GALNT13: variants seen among roughly 807,000 people sequenced by gnomAD.
The protein encoded by GALNT13 is UDP-GalNAc:polypeptide N-acetylgalactosaminyltransferase 13.
GALNT13 carries 28 observed loss-of-function variants against 64.2 expected under a neutral mutation model. The ratio of observed to expected loss-of-function variants is 0.44; its 90% confidence interval spans 0.32 to 0.60. The LOEUF (loss-of-function observed/expected upper bound fraction) is 0.60, where lower values mean the gene tolerates loss of function less well. Ranked by LOEUF, GALNT13 falls within the 20% of genes least tolerant of loss-of-function variation. GALNT13 has a pLI of 0.05. For synonymous variants in GALNT13, 214 were observed against 224.6 expected (o/e 0.95, Z 0.42); for missense variants, 577 against 669.8 (o/e 0.86, Z 1.53).
intron 4 of GALNT13, among the ~76,000 whole-genome samples, chr2:154,173,807 G>T (rs776510908): frequency 4.6e-5 from 7 of 152,080 alleles, no homozygotes; most frequent in Non-Finnish European, 8.8e-5. Context: ...AATCATCAGA[G>T]AAATGTGAAG....
chr2:153,407,745 A>G, the GALNT13 span, among the ~76,000 whole-genome samples: 1 of 152,170 alleles, frequency 6.6e-6, no homozygotes, highest in African/African-American at 2.4e-5. Flanking sequence ...TGTCAACTTT[A>G]ATTTTAATGT....
chr2:153,379,768 TAC>T, the GALNT13 span, among the ~76,000 whole-genome samples: 1 of 152,172 alleles, frequency 6.6e-6, no homozygotes, highest in Non-Finnish European at 1.5e-5. Flanking sequence ...ATCTTTTACA[TAC>T]ACTCATTCAG....
chr2:153,308,443 G>A, the GALNT13 span, among the ~76,000 whole-genome samples: 1 of 152,124 alleles, frequency 6.6e-6, no homozygotes, highest in Non-Finnish European at 1.5e-5. Context: ...TGTATCGACA[G>A]AACCACCTTC....
the GALNT13 span, among the ~76,000 whole-genome samples, chr2:153,285,630 G>A: frequency 1.3e-5 from 2 of 152,038 alleles, no homozygotes; most frequent in African/African-American, 2.4e-5. Flanking sequence ...AGTAAGTGAT[G>A]GTTATACTAT....
chr2:153,351,614 C>G, the GALNT13 span, among the ~76,000 whole-genome samples: 1 of 152,136 alleles, frequency 6.6e-6, no homozygotes, highest in African/African-American at 2.4e-5. Flanking sequence ...TGTGTTCTGC[C>G]TATTTATCTT....
At chr2:154,308,757 A>G (rs1391606072) in intron 9 of GALNT13, among the ~76,000 whole-genome samples, 2 of 152,166 alleles carry the variant, frequency 1.3e-5, no homozygotes, top group Non-Finnish European at 2.9e-5. Flanking sequence ...AGAAAATTCT[A>G]AATTATTTTA....
chr2:154,007,825 T>A (rs1301662456), intron 3 of GALNT13, among the ~76,000 whole-genome samples: 2 of 152,004 alleles, frequency 1.3e-5, no homozygotes, highest in Middle Eastern at 3.4e-3. Context: ...ATACAACACA[T>A]CAGGGACAAA....
chr2:153,308,123 C>T, the GALNT13 span, among the ~76,000 whole-genome samples: 1 of 152,236 alleles, frequency 6.6e-6, no homozygotes, highest in South Asian at 2.1e-4. Context: ...TTTTTATTTT[C>T]TATGGACAGT....
At chr2:154,342,829 T>C (rs1695849489) in intron 9 of GALNT13, among the ~76,000 whole-genome samples, 1 of 147,952 alleles carries the variant, frequency 6.8e-6, no homozygotes, top group Non-Finnish European at 1.5e-5. Flanking sequence ...AGTGTGCGTG[T>C]GTGTGTGTGT....
intron 8 of GALNT13, among the ~76,000 whole-genome samples, chr2:154,273,910 AAAT>A (rs1420263353): frequency 7.2e-5 from 11 of 152,244 alleles, no homozygotes; most frequent in Admixed American, 2.6e-4. Flanking sequence ...ATAATAAAAT[AAAT>A]AATAATAAAA....
At position 154,443,987 on chromosome 2, in the gene GALNT13, A is replaced by G. The variant is rs140515182; in HGVS notation, c.1530+5261A>G. On this transcript the variant is annotated intron_variant, in intron 12 of 12. Transcript: ENST00000392825. Reference sequence around the variant, plus strand: ...TAGTCAATATTTTAAATAAAGCTATAGGAAAATATATTTGGCAGTAAGTTG... The same window carrying G: ...TAGTCAATATTTTAAATAAAGCTATGGGAAAATATATTTGGCAGTAAGTTG... Among the ~76,000 whole-genome samples the G allele has an allele frequency of 7.8e-3, 1,185 of 152,234 alleles. 21 individuals carry two copies. The highest frequency in any genetic ancestry group is 0.026 in the African/African-American group (1,100 of 41,554).
chr2:153,852,122 T>TA, the GALNT13 span, among the ~76,000 whole-genome samples: 26 of 150,408 alleles, frequency 1.7e-4, no homozygotes, highest in East Asian at 3.9e-4. Flanking sequence ...GAAATAGAAG[T>TA]AAAAAAAAAT....
chr2:153,728,172 C>T, the GALNT13 span, among the ~76,000 whole-genome samples: 1 of 152,070 alleles, frequency 6.6e-6, no homozygotes, highest in Non-Finnish European at 1.5e-5. Flanking sequence ...GGTTCTAAAT[C>T]CTTGCTCTTC....
the GALNT13 span, among the ~76,000 whole-genome samples, chr2:153,554,413 G>A: frequency 1.3e-5 from 2 of 152,238 alleles, no homozygotes; most frequent in African/African-American, 4.8e-5. Flanking sequence ...CTTAGATAGG[G>A]CATTTGGTAT....
intron 9 of GALNT13, among the ~76,000 whole-genome samples, chr2:154,315,875 G>A (rs1189981283): frequency 6.6e-6 from 1 of 152,150 alleles, no homozygotes; most frequent in Non-Finnish European, 1.5e-5. Context: ...GGATCACAAG[G>A]TCAGGAGTTC....
chr2:153,740,909 C>T, the GALNT13 span, among the ~76,000 whole-genome samples: 3 of 152,082 alleles, frequency 2.0e-5, no homozygotes, highest in African/African-American at 4.8e-5. Flanking sequence ...TTTTACTTTC[C>T]GGCTCTCCTC....
intron 3 of GALNT13, among the ~76,000 whole-genome samples, chr2:154,118,257 A>T (rs1681716517): frequency 6.9e-6 from 1 of 145,596 alleles, no homozygotes; most frequent in South Asian, 2.2e-4. Flanking sequence ...TTGACCTCTT[A>T]TCATTATATT....
intron 8 of GALNT13, among the ~76,000 whole-genome samples, chr2:154,265,495 T>A (rs897717283): frequency 6.6e-6 from 1 of 152,076 alleles, no homozygotes; most frequent in African/African-American, 2.4e-5. Flanking sequence ...GGTCAGGAGT[T>A]GGAGAACAGC....
At chr2:153,688,892 G>A in the GALNT13 span, among the ~76,000 whole-genome samples, 1 of 151,450 alleles carries the variant, frequency 6.6e-6, no homozygotes, top group Non-Finnish European at 1.5e-5. Context: ...CAATATTATT[G>A]TTGTTACCTT....
Sources: allele counts gnomAD v4.1 joint callset (sites outside exome capture counted in the v4.1 genomes callset), GRCh38; gene constraint gnomAD v4.1.1; transcripts MANE v1.5; gene names NCBI Gene and HGNC (gene_info 2026-07-23, HGNC 2026-07-21).